TG: variants seen among roughly 807,000 people sequenced by gnomAD.
The protein encoded by TG is thyroid hormones.
Under a neutral mutation model 324.7 loss-of-function variants are expected in TG, and 270 were observed. That is an observed-to-expected ratio of 0.83 (90% CI 0.75 to 0.92). The LOEUF is 0.92. Ranked by LOEUF, TG falls within the 40% of genes least tolerant of loss-of-function variation. The probability of loss-of-function intolerance (pLI) is 0.00; values close to 1 mark genes in which losing one functional copy is unlikely to be tolerated. For synonymous variants in TG, 1,401 were observed against 1,327.0 expected, an observed-to-expected ratio of 1.06 and a Z score of -1.21; for missense variants, 3,591 against 3,456.4, an observed-to-expected ratio of 1.04 and a Z score of -0.98.
intron 23 of TG, 81 bp downstream of exon 23, chr8:132,929,273 C>G (rs532696821): frequency 8.6e-6 from 9 of 1,044,082 alleles, no homozygotes; most frequent in Non-Finnish European, 1.4e-5. Flanking sequence ...CAAACCAAAT[C>G]AAACCATTAA....
intron 16 of TG, among the ~76,000 whole-genome samples, chr8:132,903,065 C>T (rs1031899890): frequency 6.6e-6 from 1 of 152,128 alleles, no homozygotes; most frequent in Non-Finnish European, 1.5e-5. Flanking sequence ...ACCCGGAGTC[C>T]TGCTGATGAA....
intron 41 of TG, among the ~76,000 whole-genome samples, chr8:133,033,854 A>C (rs959468103): frequency 6.6e-6 from 1 of 152,228 alleles, no homozygotes; most frequent in South Asian, 2.1e-4. Context: ...TTACATGCTT[A>C]TTATTTTTCT....
intron 28 of TG, among the ~76,000 whole-genome samples, chr8:132,961,697 C>T (rs1047454033): frequency 6.6e-6 from 1 of 152,122 alleles, no homozygotes; most frequent in Non-Finnish European, 1.5e-5. Flanking sequence ...GGGTTCCGGC[C>T]TCAGGAGGGA....
chr8:132,949,894 A>G (rs1411035683), intron 27 of TG, among the ~76,000 whole-genome samples: 1 of 152,150 alleles, frequency 6.6e-6, no homozygotes, highest in African/African-American at 2.4e-5. Flanking sequence ...ATCAGGAAAA[A>G]GTGAATGCCC....
intron 3 of TG, among the ~76,000 whole-genome samples, chr8:132,870,274 A>G (rs542096186): frequency 5.5e-4 from 83 of 151,694 alleles, no homozygotes; most frequent in Non-Finnish European, 7.9e-4. Flanking sequence ...ACAATGGTTA[A>G]CTTAAGCCAA....
chr8:132,980,197 G>T (rs2103069), intron 34 of TG, among the ~76,000 whole-genome samples: 1 of 151,736 alleles, frequency 6.6e-6, no homozygotes, highest in South Asian at 2.1e-4. Flanking sequence ...CCCTAGACAG[G>T]TTAAGAAGGA....
intron 22 of TG, among the ~76,000 whole-genome samples, chr8:132,925,756 T>C (rs1409396386): frequency 6.6e-6 from 1 of 152,186 alleles, no homozygotes; most frequent in Non-Finnish European, 1.5e-5. Context: ...CTGGGATTAT[T>C]GTCTTACGTG....
chr8:132,971,227 T>G (rs1431059106), intron 32 of TG, among the ~76,000 whole-genome samples: 1 of 152,172 alleles, frequency 6.6e-6, no homozygotes, highest in Non-Finnish European at 1.5e-5. Context: ...TGAGAGAGCC[T>G]GGCTGGGTGG....
At chr8:132,898,047 CTG>C (rs1817375604) in intron 12 of TG, 120 bp from the exon 13 acceptor site, 1 of 1,030,634 alleles carries the variant, frequency 9.7e-7, no homozygotes, top group East Asian at 2.6e-5. Context: ...GGGGTCTAGA[CTG>C]GGGACAGAAG....
At chr8:133,004,269 A>G (rs1226351728) in intron 35 of TG, among the ~76,000 whole-genome samples, 1 of 152,200 alleles carries the variant, frequency 6.6e-6, no homozygotes, top group African/African-American at 2.4e-5. Flanking sequence ...GTGGGGCTGT[A>G]TAAGGGCTGG....
At chr8:133,061,444 CT>C (rs1360807737) in intron 41 of TG, among the ~76,000 whole-genome samples, 2 of 152,224 alleles carry the variant, frequency 1.3e-5, no homozygotes, top group East Asian at 3.8e-4. Context: ...TTAGTTATTA[CT>C]CTGTTTACTG....
chr8:133,028,663 C>T (rs1032122675), intron 40 of TG, among the ~76,000 whole-genome samples: 16 of 152,246 alleles, frequency 1.1e-4, no homozygotes, highest in Admixed American at 5.2e-4. Context: ...TCAAAGCACA[C>T]GAACATGAAC....
intron 16 of TG, among the ~76,000 whole-genome samples, chr8:132,901,992 G>A (rs982375331): frequency 3.3e-5 from 5 of 152,084 alleles, no homozygotes; most frequent in Non-Finnish European, 7.4e-5. Flanking sequence ...ATATTGAAAT[G>A]TACATCACAT....
intron 1 of TG, among the ~76,000 whole-genome samples, 184 bp from the exon 2 acceptor site, chr8:132,867,931 T>A (rs1839116422): frequency 1.3e-5 from 2 of 152,184 alleles, no homozygotes; most frequent in South Asian, 4.1e-4. Flanking sequence ...CTTAGGAGAA[T>A]GTTGCACATT....
At chr8:133,123,105 A>G (rs937922571) in intron 45 of TG, among the ~76,000 whole-genome samples, 1 of 152,032 alleles carries the variant, frequency 6.6e-6, no homozygotes, top group Non-Finnish European at 1.5e-5. Context: ...ATGCCTCCAG[A>G]CATTGTCACG....
intron 35 of TG, among the ~76,000 whole-genome samples, chr8:132,984,758 A>G (rs1831311569): frequency 6.6e-6 from 1 of 152,110 alleles, no homozygotes; most frequent in Admixed American, 6.5e-5. Context: ...CCTGACCAAT[A>G]TGGTGAAACT....
intron 3 of TG, 43 bp from the exon 4 acceptor site, chr8:132,871,305 A>C (rs1333351939): frequency 2.9e-5 from 46 of 1,606,482 alleles, no homozygotes; most frequent in Non-Finnish European, 3.9e-5. Flanking sequence ...CCCCCTGGAA[A>C]TTTCCCTGCA....
chr8:132,888,352 G>A lies in TG; in HGVS notation c.2545G>A (p.Ala849Thr). ...YPSLQDVPLA[A>T]LEGKRPQPRE... is the part of the protein sequence containing the mutation. ...TTCTCTGCAAGATGTCCCACTAGCA[G>A]CACTGGAAGGGAAACGGCCCCAGCC... Residue 849 changes from alanine (A) to threonine (T), a missense_variant, in exon 10 of 48, where the codon GCA becomes ACA. Physicochemically the swap from Ala to Thr is moderately conservative, Grantham distance 58 (BLOSUM62 0). Transcript: ENST00000220616. 1 of 1,614,196 alleles carries A rather than the reference G, an allele frequency of 6.2e-7. No individual in the cohort carries two copies. Among genetic ancestry groups the A allele is most frequent in the Non-Finnish European group, 8.5e-7 (1 of 1,180,048 alleles).
chr8:132,907,375 G>A (rs895010455), intron 17 of TG, among the ~76,000 whole-genome samples: 1 of 152,180 alleles, frequency 6.6e-6, no homozygotes, highest in Non-Finnish European at 1.5e-5. Context: ...TCTGCTCCAG[G>A]TAGGGCATCA....
Sources: allele counts gnomAD v4.1 joint callset (sites outside exome capture counted in the v4.1 genomes callset), GRCh38; gene constraint gnomAD v4.1.1; transcripts MANE v1.5; gene names NCBI Gene and HGNC (gene_info 2026-07-23, HGNC 2026-07-21).